WIPI1: variants seen among roughly 807,000 people sequenced by gnomAD.
WIPI1 encodes the protein WD repeat domain, phosphoinositide interacting 1.
A neutral mutation model predicts 55.3 loss-of-function variants in WIPI1; 45 were observed. The ratio of observed to expected loss-of-function variants is 0.81; its 90% confidence interval spans 0.64 to 1.04. The LOEUF (loss-of-function observed/expected upper bound fraction) is 1.04, where lower values mean the gene tolerates loss of function less well. Among genes scored for constraint, WIPI1 ranks in the 50% least tolerant of loss-of-function variants. The pLI, the probability that WIPI1 is intolerant of heterozygous loss-of-function variation, is 0.00. For missense variants in WIPI1, 445 were observed against 559.0 expected (o/e 0.80, Z 2.06); for synonymous variants, 195 against 217.6 (o/e 0.90, Z 0.92).
intron 1 of WIPI1, 47 bp downstream of exon 1, chr17:68,457,295 G>T: frequency 6.5e-7 from 1 of 1,534,134 alleles, no homozygotes; most frequent in Non-Finnish European, 8.8e-7. Context: ...CCTGGGTCCT[G>T]ACACTCTGTC....
At chr17:68,426,254 G>GGCCCCCCCCCCCCCCCCCCCC in intron 11 of WIPI1, 79 bp from the exon 12 acceptor site, 1 of 816,922 alleles carries the variant, frequency 1.2e-6, no homozygotes, top group Non-Finnish European at 1.9e-6. Flanking sequence ...GGGAGCGGGG[G>GGCCCCCCCCCCCCCCCCCCCC]CTCAAATAAA....
In WIPI1 at chr17:68,436,462, TAG is replaced by T. The variant is rs759604536; in HGVS notation, c.446_447del (p.Ser149TyrfsTer23). 1.7e-5 allele frequency: 28 copies of T among 1,613,738 alleles called. No individual in the cohort carries two copies. The highest frequency in any genetic ancestry group is 2.3e-5 in the Non-Finnish European group (27 of 1,179,816). On this transcript the variant is annotated frameshift_variant, in exon 5 of 13. Coordinates refer to ENST00000262139, the MANE Select transcript of WIPI1 (RefSeq NM_017983.7). LOFTEE classifies it high-confidence loss of function. ...PANPTGLCAL[S>X]INHSNSYLAY... ...GCCAGGTAAGAATTGGAATGGTTGA[TAG>T]AGAGAGCACATAGACCTGGCAAAGA...
chr17:68,453,479 CTTTT>C (rs112934024), intron 1 of WIPI1, among the ~76,000 whole-genome samples: 3 of 136,170 alleles, frequency 2.2e-5, no homozygotes, highest in Admixed American at 7.4e-5. Context: ...TTTTCTTTTC[CTTTT>C]TTTTTTTTTT....
At chr17:68,424,635 G>A (rs1358161435) in intron 12 of WIPI1, 2 of 405,828 alleles carry the variant, frequency 4.9e-6, no homozygotes, top group African/African-American at 4.2e-5. Flanking sequence ...TAGCACTTTG[G>A]GAGGCCGAGA....
At chr17:68,428,067 T>G (rs1027028363) in intron 10 of WIPI1, among the ~76,000 whole-genome samples, 2 of 152,006 alleles carry the variant, frequency 1.3e-5, no homozygotes, top group South Asian at 4.2e-4. Flanking sequence ...AATTTTTATA[T>G]TTTTTCTTTT....
chr17:68,452,300 CA>C (rs1219220943), intron 2 of WIPI1, among the ~76,000 whole-genome samples: 1 of 152,196 alleles, frequency 6.6e-6, no homozygotes, highest in Non-Finnish European at 1.5e-5. Flanking sequence ...TGAGGTGGCT[CA>C]CGCCTGTAAT....
Position 68,421,595 on chromosome 17 carries a change from C to T in WIPI1, c.*178G>A, listed in dbSNP as rs1665030424. 1.3e-6 allele frequency: 1 copy of T among 773,078 alleles called. No individual in the cohort carries two copies. The highest frequency in any genetic ancestry group is 2.2e-6 in the Non-Finnish European group (1 of 463,866). 47.9% of individuals were successfully genotyped at this position (773,078 alleles called of 1,614,324 possible). On this transcript the variant is annotated 3_prime_UTR_variant, in exon 13 of 13. Coordinates refer to ENST00000262139, the MANE Select transcript of WIPI1 (RefSeq NM_017983.7). The stretch of plus-strand genomic sequence containing the variant: ...AATGTCTCCCGCGCCCATTGGCAAC[C>T]AGGGTCGTGGGAAGCTTGGTGAGGA...
chr17:68,434,509 G>T (rs370364538), intron 7 of WIPI1, 47 bp downstream of exon 7: 1 of 1,604,924 alleles, frequency 6.2e-7, no homozygotes, highest in South Asian at 1.1e-5. Context: ...CGGTCCCTGC[G>T]GGACTTCTGC....
intron 4 of WIPI1, among the ~76,000 whole-genome samples, chr17:68,441,656 G>A (rs1456550342): frequency 6.6e-6 from 1 of 152,192 alleles, no homozygotes; most frequent in African/African-American, 2.4e-5. Flanking sequence ...GACAGAGAGG[G>A]CTGCGGAGTG....
At chr17:68,430,204 C>T in intron 8 of WIPI1, 44 bp from the exon 9 acceptor site, 5 of 1,557,450 alleles carry the variant, frequency 3.2e-6, no homozygotes, top group Non-Finnish European at 4.3e-6. Context: ...GGCTGCAGGC[C>T]CCACACGCAC....
chr17:68,436,670 G>T (rs2083807181), intron 4 of WIPI1, among the ~76,000 whole-genome samples, 191 bp from the exon 5 acceptor site: 1 of 152,186 alleles, frequency 6.6e-6, no homozygotes, highest in Non-Finnish European at 1.5e-5. Context: ...CACAGGGGAA[G>T]ACCTCCTGAT....
chr17:68,457,189 G>A (rs2084666444), intron 1 of WIPI1, among the ~76,000 whole-genome samples, 153 bp downstream of exon 1: 1 of 152,128 alleles, frequency 6.6e-6, no homozygotes, highest in Non-Finnish European at 1.5e-5. Flanking sequence ...AAGGGGTACG[G>A]GGATAACAAG....
At chr17:68,435,907 C>T (rs1204036858) in intron 5 of WIPI1, among the ~76,000 whole-genome samples, 195 bp from the exon 6 acceptor site, 1 of 152,248 alleles carries the variant, frequency 6.6e-6, no homozygotes, top group African/African-American at 2.4e-5. Flanking sequence ...AGGGCCACTC[C>T]ATTTCCATCC....
chr17:68,427,510 C>T (rs1002324118), intron 10 of WIPI1: 14 of 275,826 alleles, frequency 5.1e-5, no homozygotes, highest in African/African-American at 2.2e-4. Context: ...GCACCCACCA[C>T]AGCGCCTGGC....
intron 9 of WIPI1, among the ~76,000 whole-genome samples, chr17:68,429,484 A>G (rs1298070801): frequency 6.6e-6 from 1 of 152,250 alleles, no homozygotes; most frequent in Non-Finnish European, 1.5e-5. Context: ...TATAACCAGA[A>G]GGCTAAAATT....
At chr17:68,426,323 A>G in intron 11 of WIPI1, 148 bp from the exon 12 acceptor site, 1 of 670,378 alleles carries the variant, frequency 1.5e-6, no homozygotes, top group Admixed American at 2.5e-5. Flanking sequence ...GCCTAGGACA[A>G]GTCATAATCC....
intron 12 of WIPI1, 27 bp downstream of exon 12, chr17:68,426,048 G>T (rs144678657): frequency 7.5e-6 from 12 of 1,597,540 alleles, no homozygotes; most frequent in Non-Finnish European, 1.0e-5. Flanking sequence ...AGACTGAGCC[G>T]CCCAGTTACG....
chr17:68,452,225 G>T lies in WIPI1; in HGVS notation c.163+685C>A, dbSNP rs140152660. ...TCTTCAAACAAATACTTCCAAAACT[G>T]AATCAATGTTATCAGTATCTTATGG... On this transcript the variant is annotated intron_variant, in intron 2 of 12. Coordinates refer to ENST00000262139, the MANE Select transcript of WIPI1 (RefSeq NM_017983.7). 2.0e-3 allele frequency among the ~76,000 whole-genome samples: 299 copies of T among 152,274 alleles called. 1 individual carries two copies. The highest frequency in any genetic ancestry group is 4.6e-3 in the Admixed American group (70 of 15,284).
At chr17:68,435,498 TTC>T in intron 6 of WIPI1, 120 bp downstream of exon 6, 1 of 957,508 alleles carries the variant, frequency 1.0e-6, no homozygotes. Context: ...CTGAAACAAA[TTC>T]TGAGTGGGCC....
Sources: gnomAD v4.1 joint callset for allele counts (sites outside exome capture counted in the v4.1 genomes callset) on GRCh38, gnomAD v4.1.1 for gene constraint, MANE v1.5 for transcripts, NCBI Gene and HGNC (gene_info 2026-07-23, HGNC 2026-07-21) for gene names.